Variants in CFAP54 observed in about 807,000 individuals in gnomAD.
CFAP54 encodes the protein cilia and flagella associated protein 54, also known as cilia- and flagella-associated protein 54.
CFAP54 carries 290 observed loss-of-function variants against 370.4 expected under a neutral mutation model. That is an observed-to-expected ratio of 0.78 (90% CI 0.71 to 0.86). CFAP54 has a LOEUF of 0.86. Among genes scored for constraint, CFAP54 ranks in the 40% least tolerant of loss-of-function variants. The probability of loss-of-function intolerance (pLI) is 0.00; values close to 1 mark genes in which losing one functional copy is unlikely to be tolerated. For synonymous variants in CFAP54, 1,206 were observed against 1,236.5 expected (o/e 0.98, Z 0.52); for missense variants, 3,399 against 3,528.7 (o/e 0.96, Z 0.93).
At chr12:96,527,721 A>C (rs988703276) in intron 9 of CFAP54, among the ~76,000 whole-genome samples, 2 of 151,934 alleles carry the variant, frequency 1.3e-5, no homozygotes, top group African/African-American at 4.8e-5. Context: ...GGTGCATGCC[A>C]CCACACCTGG....
intron 37 of CFAP54, 50 bp downstream of exon 37, chr12:96,658,155 A>AT: frequency 6.3e-7 from 1 of 1,584,630 alleles, no homozygotes; most frequent in Non-Finnish European, 8.5e-7. Context: ...CATTGAAAAA[A>AT]AAAAAAGTCT....
chr12:96,582,533 C>A (rs1051364259), intron 22 of CFAP54, among the ~76,000 whole-genome samples: 1 of 152,144 alleles, frequency 6.6e-6, no homozygotes, highest in East Asian at 1.9e-4. Flanking sequence ...ATTGGTTTAG[C>A]GTGTCATACT....
intron 66 of CFAP54, among the ~76,000 whole-genome samples, chr12:96,856,114 T>G (rs1030339279): frequency 6.6e-6 from 1 of 152,152 alleles, no homozygotes; most frequent in Non-Finnish European, 1.5e-5. Context: ...GTGGCCCCTT[T>G]TAGCCATGGC....
intron 32 of CFAP54, among the ~76,000 whole-genome samples, chr12:96,637,511 C>T (rs1171184061): frequency 2.0e-5 from 3 of 152,122 alleles, no homozygotes; most frequent in Admixed American, 6.5e-5. Context: ...AATTGACAAA[C>T]TGATTATAAA....
At chr12:96,732,531 T>C (rs1457100103) in intron 50 of CFAP54, among the ~76,000 whole-genome samples, 1 of 152,222 alleles carries the variant, frequency 6.6e-6, no homozygotes, top group Non-Finnish European at 1.5e-5. Context: ...TAAAATATTT[T>C]ATTTATTTTA....
intron 60 of CFAP54, among the ~76,000 whole-genome samples, chr12:96,771,838 G>A (rs547657744): frequency 1.3e-5 from 2 of 152,310 alleles, no homozygotes; most frequent in African/African-American, 4.8e-5. Context: ...CCTTCTCCAT[G>A]CAGGACAGAA....
intron 66 of CFAP54, among the ~76,000 whole-genome samples, chr12:96,846,766 G>T (rs887460682): frequency 6.6e-6 from 1 of 152,126 alleles, no homozygotes; most frequent in Admixed American, 6.6e-5. Context: ...GTGCAGACTG[G>T]GTGCCAAGGA....
At position 96,519,000 on chromosome 12, in the gene CFAP54, A is replaced by T. The variant is rs1314213550; in HGVS notation, c.871A>T (p.Thr291Ser). 6.5e-7 allele frequency: 1 copy of T among 1,535,762 alleles called. No individual in the cohort carries two copies. Among genetic ancestry groups the T allele is most frequent in the East Asian group, 2.4e-5 (1 of 40,918 alleles). Residue 291 changes from threonine to serine, a missense_variant, in exon 6 of 68, where the codon ACA (threonine) becomes TCA (serine). By Grantham distance (58) the Thr-to-Ser change is moderately conservative (BLOSUM62 1). Around this residue, in one of 3 missense-constraint regions of CFAP54, gnomAD observed 559 missense variants for 576.7 expected, o/e 0.97. Transcript: ENST00000524981. ...CCCGCTCCTGTCACTCAGGTACTTG[A>T]CATGGCGCGCTACTCTCTACACAGC... ...LVPLLSLRYL[T>S]WRATLYTAVC...
At chr12:96,595,631 A>G (rs1218204551) in intron 25 of CFAP54, among the ~76,000 whole-genome samples, 5 of 152,134 alleles carry the variant, frequency 3.3e-5, no homozygotes, top group African/African-American at 4.8e-5. Context: ...TCTACGGAGC[A>G]TAGGTGTGTC....
chr12:96,552,246 C>CAAAAAAAAA (rs374756712), intron 15 of CFAP54, among the ~76,000 whole-genome samples: 2 of 40,942 alleles, frequency 4.9e-5, no homozygotes, highest in African/African-American at 7.6e-5. Flanking sequence ...AACTACATCT[C>CAAAAAAAAA]AAAAAAAAAA....
Position 96,685,135 on chromosome 12 carries a change from A to C in CFAP54, c.5911A>C (p.Ser1971Arg). 1 of 1,614,178 alleles carries C rather than the reference A, an allele frequency of 6.2e-7. No homozygotes were observed. Residue 1971 changes from serine (S) to arginine (R), a missense_variant, in exon 42 of 68, where the codon AGT becomes CGT. Around this residue, in one of 3 missense-constraint regions of CFAP54, gnomAD observed 2,796 missense variants for 2,869.7 expected, o/e 0.97. Coordinates refer to ENST00000524981, the MANE Select transcript of CFAP54 (RefSeq NM_001306084.2). ...CCCCTCACTCACCAATGTCACCAAC[A>C]GTCATTCACCTCCGGGTTTCAAAGA... ...FGPSLTNVTN[S>R]HSPPGFKDYS...
At chr12:96,721,165 C>T (rs1957748439) in intron 50 of CFAP54, among the ~76,000 whole-genome samples, 1 of 152,060 alleles carries the variant, frequency 6.6e-6, no homozygotes, top group Non-Finnish European at 1.5e-5. Context: ...AAAGACTAAA[C>T]CTTTTTACGA....
chr12:96,752,085 T>TGAGAGAGAGAGGGAGAGAGA (rs1958190701), intron 55 of CFAP54, among the ~76,000 whole-genome samples: 1 of 90,568 alleles, frequency 1.1e-5, no homozygotes, highest in Non-Finnish European at 2.2e-5. Flanking sequence ...TCTTCCTGGA[T>TGAGAGAGAGAGGGAGAGAGA]GAGAGAGAGA....
intron 15 of CFAP54, among the ~76,000 whole-genome samples, chr12:96,549,995 GATTAAATGAAAGAAAAC>G (rs1955678482): frequency 6.6e-6 from 1 of 152,284 alleles, no homozygotes; most frequent in Admixed American, 6.5e-5. Flanking sequence ...ACACTATTGT[GATTAAATGAAAGAAAAC>G]TTATTTCAAA....
Position 96,623,836 on chromosome 12 carries a change from C to T in CFAP54, c.3841C>T (p.Gln1281Ter), listed in dbSNP as rs923087349. ...ACTACTGCCTGAAAAGATAAATGAA[C>T]AGCTGGCCTTGTTGGAGACACACCT... ...QILLPEKINE[Q>*]LALLETHLLK... is the part of the protein sequence containing the mutation. Residue 1281 changes from glutamine to a stop codon, truncating the protein, a stop_gained, in exon 28 of 68, where the codon CAG (glutamine) becomes TAG (stop). Transcript: ENST00000524981. LOFTEE classifies it high-confidence loss of function. 3 of 1,535,564 alleles carry T rather than the reference C, an allele frequency of 2.0e-6. No individual in the cohort carries two copies. In the African/African-American group the frequency reaches 4.1e-5, roughly 21 times the overall value.
chr12:96,620,537 A>G (rs1003462746), intron 26 of CFAP54, among the ~76,000 whole-genome samples: 6 of 152,220 alleles, frequency 3.9e-5, no homozygotes, highest in African/African-American at 1.2e-4. Flanking sequence ...TCTTTCCTTT[A>G]TAAATTACCC....
chr12:96,601,460 C>T (rs1301848782), intron 26 of CFAP54, among the ~76,000 whole-genome samples: 2 of 152,202 alleles, frequency 1.3e-5, no homozygotes, highest in African/African-American at 4.8e-5. Flanking sequence ...CAGCATGATG[C>T]TGACCTCACA....
chr12:96,683,289 T>A (rs1411721708), intron 40 of CFAP54, among the ~76,000 whole-genome samples: 1 of 152,224 alleles, frequency 6.6e-6, no homozygotes, highest in Non-Finnish European at 1.5e-5. Flanking sequence ...ACCATGAATG[T>A]GACAGTTACA....
intron 52 of CFAP54, 138 bp downstream of exon 52, chr12:96,742,724 G>A: frequency 1.2e-6 from 1 of 866,854 alleles, no homozygotes; most frequent in South Asian, 1.8e-5. Context: ...AAAAATTCAG[G>A]TTATTAATAT....
Sources: allele counts gnomAD v4.1 joint callset (sites outside exome capture counted in the v4.1 genomes callset), GRCh38; gene constraint gnomAD v4.1.1; regional missense constraint gnomAD v4.1.1; transcripts MANE v1.5; gene names NCBI Gene and HGNC (gene_info 2026-07-23, HGNC 2026-07-21).